The following SKI variants were observed in gnomAD, a reference collection of about 807,000 sequenced individuals.
The protein encoded by SKI is SKI proto-oncogene.
Under a neutral mutation model 59.3 loss-of-function variants are expected in SKI, and 23 were observed. That is an observed-to-expected ratio of 0.39 (90% confidence interval 0.28 to 0.55). The LOEUF (loss-of-function observed/expected upper bound fraction) is 0.55, where lower values mean the gene tolerates loss of function less well. SKI is among the 20% of genes least tolerant of loss of function. SKI has a pLI of 0.67. For missense variants in SKI, 1,017 were observed against 1,038.9 expected, an observed-to-expected ratio of 0.98 and a Z score of 0.29; for synonymous variants, 673 against 488.6, an observed-to-expected ratio of 1.38 and a Z score of -4.98.
rs1319307639 is a variant in SKI, at chr1:2,309,492, T to C, written c.*2727T>C. 1.3e-5 allele frequency: 2 copies of C among 152,166 alleles called. No individual in the cohort carries two copies. Among genetic ancestry groups the C allele is most frequent in the African/African-American group, 2.4e-5 (1 of 41,426 alleles). 9.4% of individuals were successfully genotyped at this position (152,166 alleles called of 1,614,324 possible). ...CTTTTTCACCGTTGTATTATACATGTATATGCTGGGTCCTTTTTCAGAAAC... is the reference window on the plus strand; with the variant it reads ...CTTTTTCACCGTTGTATTATACATGCATATGCTGGGTCCTTTTTCAGAAAC... On this transcript the variant is annotated 3_prime_UTR_variant, in exon 7 of 7. Coordinates refer to ENST00000378536, the MANE Select transcript of SKI (RefSeq NM_003036.4).
chr1:2,293,478 C>A (rs1411121301), intron 1 of SKI, among the ~76,000 whole-genome samples: 2 of 150,870 alleles, frequency 1.3e-5, no homozygotes, highest in Admixed American at 1.3e-4. Flanking sequence ...TCCTTCCAGG[C>A]ACATTTGGCC....
intron 1 of SKI, among the ~76,000 whole-genome samples, chr1:2,238,458 C>T (rs745740275): frequency 1.1e-4 from 16 of 152,256 alleles, no homozygotes; most frequent in Non-Finnish European, 1.5e-4. Context: ...ACAGGGTGCT[C>T]TGCCTCCATG....
intron 1 of SKI, among the ~76,000 whole-genome samples, chr1:2,253,110 A>T (rs1557821634): frequency 7.1e-6 from 1 of 140,494 alleles, no homozygotes; most frequent in Non-Finnish European, 1.5e-5. Flanking sequence ...AAAAAAAAAA[A>T]ATAGAGTTGC....
Position 2,267,593 on chromosome 1 carries a change from G to A in SKI, c.970-35385G>A, listed in dbSNP as rs556317856. On this transcript the variant is annotated intron_variant, in intron 1 of 6. Coordinates refer to ENST00000378536, the MANE Select transcript of SKI (RefSeq NM_003036.4). This position sits in a 1 kb window ranked among gnomAD's most constrained non-coding sequence, Gnocchi z 4.1. ...GGGAGTGGGGCATTAGGGGCCACGT[G>A]GTCAGCACTGCACTCTGCTCTCATC... Among the ~76,000 whole-genome samples, 28 of 152,178 alleles carry A rather than the reference G, an allele frequency of 1.8e-4. No homozygotes were observed. Among genetic ancestry groups the A allele is most frequent in the Non-Finnish European group, 4.0e-4 (27 of 68,026 alleles).
At chr1:2,231,480 G>A (rs900025744) in intron 1 of SKI, among the ~76,000 whole-genome samples, 2 of 152,162 alleles carry the variant, frequency 1.3e-5, no homozygotes, top group African/African-American at 4.8e-5. Flanking sequence ...ACAGAGCAGG[G>A]CCCAGGCCAC....
rs952429327 is a variant in SKI, at chr1:2,301,765, G to A, written c.970-1213G>A. Among the ~76,000 whole-genome samples the A allele has an allele frequency of 7.2e-5, 11 of 152,250 alleles. 1 individual carries two copies. The highest frequency in any genetic ancestry group is 2.9e-5 in the Non-Finnish European group (2 of 68,042). On this transcript the variant is annotated intron_variant, in intron 1 of 6. Transcript: ENST00000378536. ...AGGCTTCCTGGCTGAGGGCAAGGGC[G>A]GAGCCCCCACCGCCCGACTTTGCTG...
At chr1:2,294,380 C>T (rs1030482614) in intron 1 of SKI, among the ~76,000 whole-genome samples, 2 of 152,252 alleles carry the variant, frequency 1.3e-5, no homozygotes, top group African/African-American at 4.8e-5. Flanking sequence ...TGTGGCTGCT[C>T]TCCTCAACAA....
At chr1:2,272,310 A>C (rs910284018) in intron 1 of SKI, among the ~76,000 whole-genome samples, 1 of 152,234 alleles carries the variant, frequency 6.6e-6, no homozygotes, top group Non-Finnish European at 1.5e-5. Flanking sequence ...TAAGCAAAAC[A>C]CACATAGACT....
rs531183033 is a variant in SKI at position 2,269,725 on chromosome 1, C to A, written c.970-33253C>A. The stretch of plus-strand genomic sequence containing the variant: ...GTGGGGACGTGGCTGTGCACCGGGC[C>A]CAGGGCTGGCAGGAGGCTGCTTCAG... On this transcript the variant is annotated intron_variant, in intron 1 of 6. Transcript: ENST00000378536. This position sits in a 1 kb window ranked among gnomAD's most constrained non-coding sequence, Gnocchi z 4.7. 3.9e-5 allele frequency among the ~76,000 whole-genome samples: 6 copies of A among 152,354 alleles called. No homozygotes were observed. In the East Asian group the frequency reaches 1.2e-3, roughly 29 times the overall value.
chr1:2,253,844 T>C (rs1424259927), intron 1 of SKI, among the ~76,000 whole-genome samples: 2 of 151,352 alleles, frequency 1.3e-5, no homozygotes, highest in African/African-American at 4.9e-5. Flanking sequence ...AGAGGGGAGG[T>C]GTGTGCGGGG....
intron 1 of SKI, among the ~76,000 whole-genome samples, chr1:2,258,106 A>G (rs192912369): frequency 6.6e-6 from 1 of 152,350 alleles, no homozygotes; most frequent in South Asian, 2.1e-4. Flanking sequence ...GAGGTACTTT[A>G]TAAAGGGAAA....
rs555706336 is a variant in SKI, at chr1:2,305,183, C to T, written c.1767+598C>T. On this transcript the variant is annotated intron_variant, in intron 5 of 6. Transcript: ENST00000378536. Reference sequence around the variant, plus strand: ...CGCTGCTTCTCTGGGCTCTGCCTCACGGTTCTCACGCTGCAGCTCCGGTCT... The same window carrying T: ...CGCTGCTTCTCTGGGCTCTGCCTCATGGTTCTCACGCTGCAGCTCCGGTCT... 8.5e-5 allele frequency among the ~76,000 whole-genome samples: 13 copies of T among 152,328 alleles called. No individual in the cohort carries two copies. The East Asian group carries it at 1.9e-3, about 23-fold the overall frequency.
chr1:2,260,546 T>TTTC, intron 1 of SKI, among the ~76,000 whole-genome samples: 1 of 131,296 alleles, frequency 7.6e-6, no homozygotes, highest in South Asian at 2.5e-4. Flanking sequence ...TTTTTTTTTT[T>TTTC]TTTTTTTTTT....
intron 1 of SKI, among the ~76,000 whole-genome samples, chr1:2,302,306 G>A (rs990651432): frequency 1.3e-5 from 2 of 152,172 alleles, no homozygotes; most frequent in Non-Finnish European, 2.9e-5. Context: ...GCGAGGCAAA[G>A]GTGTGTGTGG....
At chr1:2,254,912 G>A (rs1276957222) in intron 1 of SKI, among the ~76,000 whole-genome samples, 1 of 152,188 alleles carries the variant, frequency 6.6e-6, no homozygotes, top group Admixed American at 6.5e-5. Context: ...TCCTCCAAAT[G>A]CCTGTGCTGT....
chr1:2,282,811 A>C (rs1557838513), intron 1 of SKI, among the ~76,000 whole-genome samples: 1 of 152,104 alleles, frequency 6.6e-6, no homozygotes. Flanking sequence ...CGCCCAGCAC[A>C]TGCTACTAGT....
At chr1:2,277,706 A>G (rs1006105830) in intron 1 of SKI, among the ~76,000 whole-genome samples, 8 of 146,940 alleles carry the variant, frequency 5.4e-5, no homozygotes, top group African/African-American at 1.8e-4. Context: ...GCACACGTGC[A>G]CACACACGTC....
chr1:2,278,863 G>T (rs906456176), intron 1 of SKI, among the ~76,000 whole-genome samples: 4 of 152,196 alleles, frequency 2.6e-5, no homozygotes, highest in Non-Finnish European at 5.9e-5. Context: ...AGGTGGTGGT[G>T]GGGGGTGTTG....
At position 2,308,809 on chromosome 1, in the gene SKI, C is replaced by T. The variant is rs1474278224; in HGVS notation, c.*2044C>T. The T allele has an allele frequency of 6.6e-6, 1 of 152,246 alleles. No homozygotes were observed. The highest frequency in any genetic ancestry group is 2.4e-5 in the African/African-American group (1 of 41,422). The allele number at this position is 152,246 out of a possible 1,614,324, so 9.4% of individuals were successfully genotyped here. A position where few individuals can be genotyped will look rare whatever the true frequency, so the allele number is the denominator to read the frequency against. ...AGACCCCAGAGGGAGATGAGCTTTT[C>T]CAAGCTGTGTCTGGGCCAGAGCCTC... On this transcript the variant is annotated 3_prime_UTR_variant, in exon 7 of 7. Coordinates refer to ENST00000378536, the MANE Select transcript of SKI (RefSeq NM_003036.4).
Sources: allele counts gnomAD v4.1 joint callset (sites outside exome capture counted in the v4.1 genomes callset), GRCh38; gene constraint gnomAD v4.1.1; non-coding constraint Gnocchi (gnomAD v3.1); transcripts MANE v1.5; gene names NCBI Gene and HGNC (gene_info 2026-07-23, HGNC 2026-07-21).